The following PTPRD variants were observed in gnomAD, a reference collection of about 807,000 sequenced individuals.
The protein encoded by PTPRD is protein tyrosine phosphatase receptor type D.
PTPRD carries 34 observed loss-of-function variants against 214.5 expected under a neutral mutation model. The observed-to-expected ratio is 0.16, with a 90% confidence interval of 0.12 to 0.21. PTPRD has a LOEUF of 0.21. Ranked by LOEUF, PTPRD falls within the 10% of genes least tolerant of loss-of-function variation. PTPRD has a pLI of 1.00. For synonymous variants in PTPRD, 1,128 were observed against 845.7 expected (o/e 1.33, Z -5.79); for missense variants, 2,545 against 2,398.7 (o/e 1.06, Z -1.27).
chr9:9,374,572 G>T (rs932966339), intron 9 of PTPRD, among the ~76,000 whole-genome samples: 9 of 152,130 alleles, frequency 5.9e-5, no homozygotes, highest in Admixed American at 5.2e-4. Context: ...AAATAATGAC[G>T]AAATGCTTCC....
chr9:8,656,578 T>C (rs1596230502), intron 12 of PTPRD, among the ~76,000 whole-genome samples: 3 of 152,332 alleles, frequency 2.0e-5, no homozygotes, highest in East Asian at 3.9e-4. Context: ...TTTGTAATAG[T>C]GAGGTATTTC....
rs947437072 is a variant in PTPRD, at chr9:10,600,914, A to G, written c.-600+11484T>C. On this transcript the variant is annotated intron_variant, in intron 2 of 45. Transcript: ENST00000381196. ...ATATGAGACAGCCTCTCCAACAGAG[A>G]AAAGGCAATTATAAATCTTCATTAT... is the stretch of plus-strand genomic sequence containing the variant. Among the ~76,000 whole-genome samples the G allele has an allele frequency of 7.9e-5, 12 of 151,962 alleles. 1 individual carries two copies. The highest frequency in any genetic ancestry group is 3.4e-3 in the Middle Eastern group (1 of 292).
intron 7 of PTPRD, among the ~76,000 whole-genome samples, chr9:9,583,173 C>T (rs541469387): frequency 1.3e-5 from 2 of 152,060 alleles, no homozygotes; most frequent in South Asian, 2.1e-4. Flanking sequence ...TTTCATACTC[C>T]TTCAAAAAGT....
At chr9:9,493,945 A>T (rs558226488) in intron 8 of PTPRD, among the ~76,000 whole-genome samples, 1 of 152,278 alleles carries the variant, frequency 6.6e-6, no homozygotes, top group South Asian at 2.1e-4. Context: ...TGCTATTAAG[A>T]ACATTTGTAA....
intron 5 of PTPRD, among the ~76,000 whole-genome samples, chr9:9,817,710 G>C (rs1002011228): frequency 6.6e-6 from 1 of 152,176 alleles, no homozygotes; most frequent in African/African-American, 2.4e-5. Context: ...CTTCTGTGAT[G>C]ATTACAGAGA....
intron 8 of PTPRD, among the ~76,000 whole-genome samples, chr9:9,473,036 C>T (rs894594697): frequency 6.6e-6 from 1 of 152,104 alleles, no homozygotes; most frequent in African/African-American, 2.4e-5. Context: ...TTAATGAACT[C>T]TACATTACTA....
intron 3 of PTPRD, among the ~76,000 whole-genome samples, chr9:10,198,408 C>T (rs903832060): frequency 6.6e-6 from 1 of 152,034 alleles, no homozygotes; most frequent in Non-Finnish European, 1.5e-5. Context: ...CATCTTACAA[C>T]CATTGGCCAA....
At chr9:10,511,951 T>TATATATATATACGTGTATATATATATAC (rs1249327430) in intron 2 of PTPRD, among the ~76,000 whole-genome samples, 1 of 78,270 alleles carries the variant, frequency 1.3e-5, no homozygotes, top group Non-Finnish European at 2.6e-5. Flanking sequence ...TATATACGTG[T>TATATATATATACGTGTATATATATATAC]GTGTATATAT....
intron 34 of PTPRD, among the ~76,000 whole-genome samples, chr9:8,447,718 C>G (rs968994731): frequency 6.6e-5 from 10 of 152,142 alleles, no homozygotes; most frequent in Non-Finnish European, 1.5e-4. Flanking sequence ...TGGCTCCCTT[C>G]TTTTGGGGGT....
At chr9:9,215,008 C>T (rs1271799375) in intron 9 of PTPRD, among the ~76,000 whole-genome samples, 3 of 152,168 alleles carry the variant, frequency 2.0e-5, no homozygotes, top group African/African-American at 4.8e-5. Flanking sequence ...CTCTTGAACA[C>T]ACACTACTTA....
At chr9:9,650,858 A>G (rs148059747) in intron 7 of PTPRD, among the ~76,000 whole-genome samples, 2,043 of 152,260 alleles carry the variant, frequency 0.013, 22 homozygotes, top group South Asian at 0.024. Flanking sequence ...GACTAAATTT[A>G]TGGAATATAT....
Position 9,677,384 on chromosome 9 carries a change from T to G in PTPRD, c.-287+57149A>C, listed in dbSNP as rs530572284. Reference sequence around the variant, plus strand: ...TTCCCAGCACCATGATCAAGTGGGCTTCATCCCTGGGATGCAAGGCTGGTT... The same window carrying G: ...TTCCCAGCACCATGATCAAGTGGGCGTCATCCCTGGGATGCAAGGCTGGTT... On this transcript the variant is annotated intron_variant, in intron 7 of 45. Transcript: ENST00000381196. 3.3e-5 allele frequency among the ~76,000 whole-genome samples: 5 copies of G among 152,192 alleles called. No homozygotes were observed. In the East Asian group the frequency reaches 9.7e-4, roughly 29 times the overall value.
At chr9:10,345,870 C>T (rs751290499) in intron 2 of PTPRD, among the ~76,000 whole-genome samples, 1 of 152,138 alleles carries the variant, frequency 6.6e-6, no homozygotes, top group East Asian at 1.9e-4. Flanking sequence ...GTAATTTACA[C>T]TCCCACCAAC....
intron 30 of PTPRD, among the ~76,000 whole-genome samples, chr9:8,482,557 A>G (rs368467828): frequency 2.3e-4 from 35 of 152,128 alleles, no homozygotes; most frequent in African/African-American, 8.4e-4. Flanking sequence ...AAGAAATGAG[A>G]AAGGATTTAT....
At chr9:10,549,759 GA>G (rs2060913750) in intron 2 of PTPRD, among the ~76,000 whole-genome samples, 2 of 152,070 alleles carry the variant, frequency 1.3e-5, no homozygotes, top group Non-Finnish European at 2.9e-5. Flanking sequence ...AAAACTATCT[GA>G]TAATTCTTGG....
At chr9:8,470,571 C>T (rs552285911) in intron 31 of PTPRD, among the ~76,000 whole-genome samples, 4 of 152,096 alleles carry the variant, frequency 2.6e-5, no homozygotes, top group African/African-American at 9.7e-5. Context: ...AAGACCATAT[C>T]GTAGGTCAAA....
At chr9:9,686,554 C>T (rs1366387063) in intron 7 of PTPRD, among the ~76,000 whole-genome samples, 1 of 151,470 alleles carries the variant, frequency 6.6e-6, no homozygotes, top group Non-Finnish European at 1.5e-5. Context: ...AAACAGTGGT[C>T]ACCTTTGTGG....
intron 8 of PTPRD, among the ~76,000 whole-genome samples, chr9:9,505,546 T>C (rs1203326538): frequency 1.3e-5 from 2 of 151,492 alleles, no homozygotes; most frequent in African/African-American, 2.4e-5. Flanking sequence ...GGTACTCAAA[T>C]ATTTTAATAA....
At chr9:9,625,838 T>C (rs1177987040) in intron 7 of PTPRD, among the ~76,000 whole-genome samples, 1 of 152,152 alleles carries the variant, frequency 6.6e-6, no homozygotes, top group African/African-American at 2.4e-5. Flanking sequence ...CATGTCTCTG[T>C]CTTGTTTAGG....
Sources: gnomAD v4.1 joint callset for allele counts (sites outside exome capture counted in the v4.1 genomes callset) on GRCh38, gnomAD v4.1.1 for gene constraint, MANE v1.5 for transcripts, NCBI Gene and HGNC (gene_info 2026-07-23, HGNC 2026-07-21) for gene names.